Variants in HIVEP3 observed in about 807,000 individuals in gnomAD.
HIVEP3 encodes the protein transcription factor HIVEP3.
In HIVEP3, 49 loss-of-function variants were observed where a neutral mutation model predicts 152.8. The ratio of observed to expected loss-of-function variants is 0.32; its 90% CI spans 0.26 to 0.41. HIVEP3 has a LOEUF of 0.41. Among genes scored for constraint, HIVEP3 ranks in the 10% least tolerant of loss-of-function variants. The pLI, the probability that HIVEP3 is intolerant of heterozygous loss-of-function variation, is 1.00. For missense variants in HIVEP3, 2,790 were observed against 3,103.3 expected, an observed-to-expected ratio of 0.90 and a Z score of 2.40; for synonymous variants, 1,269 against 1,289.0, an observed-to-expected ratio of 0.98 and a Z score of 0.33.
At chr1:41,847,562 A>G (rs1383493886) in intron 1 of HIVEP3, 1 of 152,238 alleles carries the variant, frequency 6.6e-6, no homozygotes, top group East Asian at 1.9e-4. Flanking sequence ...AGTTTTTGTA[A>G]CAAGCATGTG....
At chr1:41,768,459 C>T (rs946836627) in intron 1 of HIVEP3, among the ~76,000 whole-genome samples, 1 of 152,176 alleles carries the variant, frequency 6.6e-6, no homozygotes, top group Admixed American at 6.5e-5. Flanking sequence ...GGGACACAGC[C>T]GAACCATATC....
chr1:41,688,421 C>A (rs1233760782), intron 2 of HIVEP3, among the ~76,000 whole-genome samples: 2 of 152,240 alleles, frequency 1.3e-5, no homozygotes, highest in African/African-American at 2.4e-5. Flanking sequence ...TATGGCTGAC[C>A]TGGCTGAGGC....
rs951825410 is a variant in HIVEP3 at position 41,583,998 on chromosome 1, C to A, written c.800G>T (p.Arg267Leu). The A allele has an allele frequency of 8.1e-6, 13 of 1,614,042 alleles. No individual in the cohort carries two copies. The highest frequency in any genetic ancestry group is 1.1e-5 in the Non-Finnish European group (13 of 1,180,036). The change falls in exon 4 of 9, where the codon CGG becomes CTG. Residue 267 changes from arginine (R) to leucine (L), a missense_variant. Transcript: ENST00000372583. The surrounding 1 kb of genome is among the most constrained non-coding windows in gnomAD (Gnocchi z 6.9). ...CTCCTCAAACTCTTCCCCAGGGATC[C>A]GCTCCATCTCCAGCCCATGTGGGTA... ...EMYPHGLEME[R>L]IPGEEFEEPT... is the part of the protein sequence containing the mutation.
At chr1:41,563,094 C>T (rs1644104591) in intron 5 of HIVEP3, among the ~76,000 whole-genome samples, 1 of 152,086 alleles carries the variant, frequency 6.6e-6, no homozygotes, top group Non-Finnish European at 1.5e-5. Context: ...TGCTTGTAAT[C>T]CCAGCACTTC....
chr1:41,668,862 A>T (rs1269599452), intron 2 of HIVEP3, among the ~76,000 whole-genome samples: 1 of 152,108 alleles, frequency 6.6e-6, no homozygotes, highest in East Asian at 1.9e-4. Context: ...TGGTGCCCCT[A>T]CTAGGTTAGG....
chr1:41,748,201 G>A (rs1227769381), intron 1 of HIVEP3, among the ~76,000 whole-genome samples: 1 of 152,194 alleles, frequency 6.6e-6, no homozygotes, highest in Non-Finnish European at 1.5e-5. Flanking sequence ...AGCTGGATTG[G>A]TGCTACAACC....
chr1:41,648,485 C>T (rs1645495779), intron 2 of HIVEP3, among the ~76,000 whole-genome samples: 2 of 152,316 alleles, frequency 1.3e-5, no homozygotes, highest in South Asian at 4.1e-4. Context: ...GCCACCATGT[C>T]CCACTAGGGG....
Position 41,507,050 on chromosome 1 carries a change from G to A in HIVEP3, c.*3401C>T, listed in dbSNP as rs914629896. 5 of 152,058 alleles carry A rather than the reference G, an allele frequency of 3.3e-5. No individual in the cohort carries two copies. Among genetic ancestry groups the A allele is most frequent in the East Asian group, 1.9e-4 (1 of 5,196 alleles). 9.4% of individuals were successfully genotyped at this position (152,058 alleles called of 1,614,324 possible). On this transcript the variant is annotated 3_prime_UTR_variant, in exon 9 of 9. Transcript: ENST00000372583. ...GGGAACTTTCTTCCCCTGGTCACAC[G>A]GCAGATCGGTCCCCAAGGACAGGTG...
At position 41,968,747 on chromosome 1, in the gene HIVEP3, T is replaced by G. The variant is rs141998176; in HGVS notation, n.120-50223A>C. 3.0e-3 allele frequency among the ~76,000 whole-genome samples: 464 copies of G among 152,268 alleles called. 3 individuals are homozygous for G. Among genetic ancestry groups the G allele is most frequent in the African/African-American group, 0.011 (437 of 41,560 alleles). On this transcript the variant is annotated intron_variant and non_coding_transcript_variant, in intron 1 of 3. Transcript: ENST00000489103. ...GAGAAAGAAATAAAGGTTATTCAAA[T>G]AGAAACAGAGGAAGTCACACTGGCT...
rs1348515511 is a variant in HIVEP3, at chr1:41,581,129, G to A, written c.3669C>T (p.Phe1223=). 1 of 1,551,958 alleles carries A rather than the reference G, an allele frequency of 6.4e-7. No homozygotes were observed. Among genetic ancestry groups the A allele is most frequent in the Non-Finnish European group, 8.7e-7 (1 of 1,149,186 alleles). ...AGGAGGTCGGGTATGGCATGGGGAG[G>A]AAGGAAGGGGGCTGCCTGAAGGGGA... ...ANIPFRQPPS[F]LPMPYPTSSA... The change falls in exon 4 of 9, where the codon TTC becomes TTT. Residue 1223 remains phenylalanine (F), a synonymous_variant. Transcript: ENST00000372583. The surrounding 1 kb of genome is among the most constrained non-coding windows in gnomAD (Gnocchi z 4.5).
chr1:41,823,823 G>GT (rs1158774678), intron 1 of HIVEP3, among the ~76,000 whole-genome samples: 3 of 152,160 alleles, frequency 2.0e-5, no homozygotes, highest in Non-Finnish European at 4.4e-5. Flanking sequence ...ACACAGCTTC[G>GT]TTTCTAGGCC....
chr1:41,875,284 C>G lies in HIVEP3; in HGVS notation c.-801+43129G>C, dbSNP rs1016612891. ...TTTGTAGATGGTGCCTGGGAACTGT[C>G]CCGCTTGGAGAGTGCTGTTTGCTAG... On this transcript the variant is annotated intron_variant, in intron 1 of 8. Coordinates refer to ENST00000372583, the MANE Select transcript of HIVEP3 (RefSeq NM_024503.5). Among the ~76,000 whole-genome samples, 11 of 152,306 alleles carry G rather than the reference C, an allele frequency of 7.2e-5. No individual in the cohort carries two copies. The South Asian group carries it at 2.1e-3, about 29-fold the overall frequency.
chr1:41,916,366 G>A (rs1242200767), intron 1 of HIVEP3, among the ~76,000 whole-genome samples: 1 of 152,192 alleles, frequency 6.6e-6, no homozygotes, highest in Non-Finnish European at 1.5e-5. Flanking sequence ...AACAATCTTA[G>A]CCTTAAGGGG....
intron 5 of HIVEP3, among the ~76,000 whole-genome samples, chr1:41,574,077 G>A (rs1011533418): frequency 2.0e-5 from 3 of 152,078 alleles, no homozygotes; most frequent in Non-Finnish European, 2.9e-5. Context: ...GGGAAGATGC[G>A]AACCTCCCCG....
At chr1:41,738,731 C>T (rs553063551) in intron 1 of HIVEP3, among the ~76,000 whole-genome samples, 2 of 152,308 alleles carry the variant, frequency 1.3e-5, no homozygotes, top group South Asian at 2.1e-4. Context: ...CAATTCCTTT[C>T]TCCATGCCTT....
Position 41,874,778 on chromosome 1 carries a change from C to G in HIVEP3, c.-801+43635G>C, listed in dbSNP as rs545479754. 3.9e-5 allele frequency among the ~76,000 whole-genome samples: 6 copies of G among 152,230 alleles called. No individual in the cohort carries two copies. In the East Asian group the frequency reaches 1.2e-3, roughly 29 times the overall value. ...AATAAGCAAACAAACAAACAGAGGC[C>G]CTGAGGGATTTAGTTAGCGGTCTCC... On this transcript the variant is annotated intron_variant, in intron 1 of 8. Coordinates refer to ENST00000372583, the MANE Select transcript of HIVEP3 (RefSeq NM_024503.5).
intron 1 of HIVEP3, among the ~76,000 whole-genome samples, chr1:41,996,271 C>A (rs1292598745): frequency 6.6e-6 from 1 of 151,750 alleles, no homozygotes; most frequent in African/African-American, 2.4e-5. Flanking sequence ...TGCTGTAGTC[C>A]TAGCTACTGG....
At chr1:41,789,890 A>G (rs1160932043) in intron 1 of HIVEP3, among the ~76,000 whole-genome samples, 2 of 152,224 alleles carry the variant, frequency 1.3e-5, no homozygotes, top group African/African-American at 4.8e-5. Flanking sequence ...TCACATTTAA[A>G]TAAGTACACA....
chr1:41,995,006 T>C (rs1645387691), intron 1 of HIVEP3, among the ~76,000 whole-genome samples: 2 of 151,076 alleles, frequency 1.3e-5, no homozygotes, highest in Non-Finnish European at 3.0e-5. Flanking sequence ...ACAAAAAATA[T>C]AAAAGAAAGT....
Sources: allele counts gnomAD v4.1 joint callset (sites outside exome capture counted in the v4.1 genomes callset), GRCh38; gene constraint gnomAD v4.1.1; non-coding constraint Gnocchi (gnomAD v3.1); transcripts MANE v1.5; gene names NCBI Gene and HGNC (gene_info 2026-07-23, HGNC 2026-07-21).